The following UBE2V2 variants were observed in gnomAD, a reference collection of about 807,000 sequenced individuals.
UBE2V2 encodes the protein ubiquitin-conjugating enzyme E2 variant 2.
A neutral mutation model predicts 17.2 loss-of-function variants in UBE2V2; 9 were observed. That is an observed-to-expected ratio of 0.52 (90% CI 0.32 to 0.91). UBE2V2 has a LOEUF of 0.91. Among genes scored for constraint, UBE2V2 ranks in the 40% least tolerant of loss-of-function variants. The pLI, the probability that UBE2V2 is intolerant of heterozygous loss-of-function variation, is 0.04. For missense variants in UBE2V2, 133 were observed against 182.6 expected (o/e 0.73, Z 1.56); for synonymous variants, 61 against 57.5 (o/e 1.06, Z -0.28).
chr8:48,030,896 C>T (rs1297206705), intron 1 of UBE2V2, among the ~76,000 whole-genome samples: 1 of 152,066 alleles, frequency 6.6e-6, no homozygotes, highest in Non-Finnish European at 1.5e-5. Context: ...GTGGTACATG[C>T]CTGTAGTCCC....
chr8:48,008,327 C>T (rs1389623344), upstream of UBE2V2: 4 of 1,294,500 alleles, frequency 3.1e-6, no homozygotes, highest in Non-Finnish European at 2.0e-6. Context: ...TGCGCGCTGT[C>T]CCTCGGGTCG....
upstream of UBE2V2, among the ~76,000 whole-genome samples, chr8:48,005,190 C>G (rs1339044103): frequency 6.6e-6 from 1 of 151,930 alleles, no homozygotes; most frequent in Non-Finnish European, 1.5e-5. Flanking sequence ...CCTGACAGGC[C>G]CCAGTGTGTG....
chr8:48,008,583 C>T lies in UBE2V2; in HGVS notation c.16+113C>T, dbSNP rs1249388578. The T allele has an allele frequency of 7.1e-6, 10 of 1,409,996 alleles. 1 individual carries two copies. In the East Asian group the frequency reaches 2.2e-4, roughly 30 times the overall value. The allele number at this position is 1,409,996 out of a possible 1,614,324, so 87.3% of individuals were successfully genotyped here. ...CGGGAGAAGCCCGAGTGCGCTGTCTCGAATGCCGCGCTCTCCGCAGAGCGT... is the reference window on the plus strand; with the variant it reads ...CGGGAGAAGCCCGAGTGCGCTGTCTTGAATGCCGCGCTCTCCGCAGAGCGT... On this transcript the variant is annotated intron_variant, in intron 1 of 3. Coordinates refer to ENST00000523111, the MANE Select transcript of UBE2V2 (RefSeq NM_003350.3).
chr8:48,040,056 T>C (rs922455188), intron 1 of UBE2V2, among the ~76,000 whole-genome samples: 2 of 149,828 alleles, frequency 1.3e-5, no homozygotes, highest in Non-Finnish European at 3.0e-5. Flanking sequence ...TTTTTTTTTT[T>C]CTTTTGAAAT....
At chr8:48,031,741 C>T (rs1237132263) in intron 1 of UBE2V2, among the ~76,000 whole-genome samples, 5 of 151,940 alleles carry the variant, frequency 3.3e-5, no homozygotes, top group Admixed American at 2.0e-4. Context: ...CTGCAACCTC[C>T]GCCTCCCAAA....
intron 3 of UBE2V2, among the ~76,000 whole-genome samples, chr8:48,059,691 G>A (rs968947166): frequency 7.2e-5 from 11 of 152,272 alleles, no homozygotes; most frequent in Admixed American, 1.3e-4. Context: ...GATTACAGGC[G>A]TGAGCCACCG....
At chr8:48,032,832 G>A (rs529168693) in intron 1 of UBE2V2, among the ~76,000 whole-genome samples, 89 of 152,222 alleles carry the variant, frequency 5.8e-4, no homozygotes, top group African/African-American at 2.0e-3. Context: ...AACAAATAGT[G>A]TTCTTGAGAG....
chr8:48,024,607 AAAG>A (rs2091327479), intron 1 of UBE2V2, among the ~76,000 whole-genome samples: 2 of 152,092 alleles, frequency 1.3e-5, no homozygotes, highest in African/African-American at 4.8e-5. Flanking sequence ...AAAAAAAAAA[AAAG>A]AGATTCTTAA....
chr8:48,029,443 C>G (rs2154507269), intron 1 of UBE2V2, among the ~76,000 whole-genome samples: 1 of 152,246 alleles, frequency 6.6e-6, no homozygotes, highest in South Asian at 2.1e-4. Flanking sequence ...AGTTGATGCT[C>G]TGGTTGTGAT....
intron 1 of UBE2V2, among the ~76,000 whole-genome samples, chr8:48,035,619 G>GGT (rs1554657524): frequency 1.2e-5 from 1 of 84,624 alleles, no homozygotes; most frequent in Admixed American, 1.6e-4. Context: ...AAAAATTATT[G>GGT]TTTTTTTTTT....
intron 1 of UBE2V2, among the ~76,000 whole-genome samples, chr8:48,015,979 C>A (rs932989789): frequency 6.7e-6 from 1 of 149,758 alleles, no homozygotes; most frequent in East Asian, 2.0e-4. Context: ...CTCACTGCAA[C>A]CTCCACCTCC....
intron 1 of UBE2V2, among the ~76,000 whole-genome samples, chr8:48,026,545 G>T (rs1223237564): frequency 6.6e-6 from 1 of 152,104 alleles, no homozygotes; most frequent in African/African-American, 2.4e-5. Context: ...TATCACCTCA[G>T]AAAGAAACTC....
intron 1 of UBE2V2, among the ~76,000 whole-genome samples, chr8:48,032,351 T>C (rs1563853640): frequency 6.6e-6 from 1 of 152,226 alleles, no homozygotes; most frequent in East Asian, 1.9e-4. Flanking sequence ...CAAAAGAATA[T>C]TACCTTCTGA....
At chr8:48,038,024 C>T (rs1229844038) in intron 1 of UBE2V2, among the ~76,000 whole-genome samples, 2 of 152,164 alleles carry the variant, frequency 1.3e-5, no homozygotes, top group African/African-American at 4.8e-5. Flanking sequence ...AGTTGCAGTC[C>T]CCAAACATTG....
intron 3 of UBE2V2, among the ~76,000 whole-genome samples, chr8:48,052,412 C>T (rs2091544644): frequency 6.6e-6 from 1 of 152,160 alleles, no homozygotes; most frequent in Non-Finnish European, 1.5e-5. Context: ...AATTTCAGAC[C>T]TACCTCTAAT....
At chr8:48,007,239 A>G (rs1275277148), upstream of UBE2V2, among the ~76,000 whole-genome samples, 2 of 152,078 alleles carry the variant, frequency 1.3e-5, no homozygotes, top group East Asian at 3.9e-4. Flanking sequence ...TATTCAACAT[A>G]GTATTGGAAG....
intron 2 of UBE2V2, among the ~76,000 whole-genome samples, chr8:48,044,473 A>G (rs1236188542): frequency 6.6e-6 from 1 of 152,202 alleles, no homozygotes; most frequent in Non-Finnish European, 1.5e-5. Context: ...CAAAAGAAAA[A>G]TGTATCAGGT....
upstream of UBE2V2, among the ~76,000 whole-genome samples, chr8:48,005,067 C>T (rs2091175469): frequency 7.0e-6 from 1 of 143,644 alleles, no homozygotes; most frequent in Non-Finnish European, 1.5e-5. Flanking sequence ...AGGGGCAGAA[C>T]ATGCAGGTTT....
At chr8:48,022,792 A>AT (rs1388988432) in intron 1 of UBE2V2, among the ~76,000 whole-genome samples, 3 of 148,148 alleles carry the variant, frequency 2.0e-5, no homozygotes, top group South Asian at 2.1e-4. Context: ...TAAAGGACAG[A>AT]TTTTTTCCTG....
Sources: allele counts gnomAD v4.1 joint callset (sites outside exome capture counted in the v4.1 genomes callset), GRCh38; gene constraint gnomAD v4.1.1; transcripts MANE v1.5; gene names NCBI Gene and HGNC (gene_info 2026-07-23, HGNC 2026-07-21).